TSPEAR: variants seen among roughly 807,000 people sequenced by gnomAD.
The protein encoded by TSPEAR is thrombospondin type laminin G domain and EAR repeats.
TSPEAR carries 69 observed loss-of-function variants against 71.6 expected under a neutral mutation model. The observed-to-expected ratio is 0.96, with a 90% CI of 0.79 to 1.18. TSPEAR has a LOEUF of 1.18. Ranked by LOEUF, TSPEAR falls within the 50% of genes most tolerant of loss-of-function variation. The pLI is 0.00. For missense variants in TSPEAR, 971 were observed against 894.9 expected (o/e 1.09, Z -1.09); for synonymous variants, 402 against 387.2 (o/e 1.04, Z -0.45).
intron 1 of TSPEAR, among the ~76,000 whole-genome samples, chr21:44,583,969 C>G (rs2146108048): frequency 6.6e-6 from 1 of 152,346 alleles, no homozygotes; most frequent in East Asian, 1.9e-4. Flanking sequence ...CCAGAACTGA[C>G]TCATCCTGCA....
At chr21:44,645,159 T>C (rs1984243236) in intron 1 of TSPEAR, among the ~76,000 whole-genome samples, 1 of 152,218 alleles carries the variant, frequency 6.6e-6, no homozygotes, top group African/African-American at 2.4e-5. Flanking sequence ...AATCACCATA[T>C]ATGAAAAAGT....
intron 1 of TSPEAR, among the ~76,000 whole-genome samples, chr21:44,599,354 TG>T (rs1261179697): frequency 6.6e-6 from 1 of 152,204 alleles, no homozygotes; most frequent in Non-Finnish European, 1.5e-5. Flanking sequence ...AGGCCTGGAC[TG>T]GGAAACACAG....
intron 1 of TSPEAR, chr21:44,658,210 G>GC (rs782171993): frequency 1.9e-6 from 3 of 1,613,974 alleles, no homozygotes; most frequent in Non-Finnish European, 1.7e-6. Context: ...GGTGCTGCCA[G>GC]CCCCCCTGCA....
intron 1 of TSPEAR, among the ~76,000 whole-genome samples, chr21:44,584,136 T>C (rs1472320737): frequency 1.3e-5 from 2 of 152,226 alleles, no homozygotes; most frequent in Non-Finnish European, 2.9e-5. Flanking sequence ...TACTCTCTGC[T>C]TTGCCGAGCT....
chr21:44,654,446 G>C (rs587768043), intron 1 of TSPEAR: 2 of 1,614,076 alleles, frequency 1.2e-6, no homozygotes, highest in Admixed American at 3.3e-5. Context: ...CAGGCTGGCT[G>C]GCAGCAGGTG....
At chr21:44,540,836 G>A (rs996049779) in intron 2 of TSPEAR, among the ~76,000 whole-genome samples, 3 of 152,248 alleles carry the variant, frequency 2.0e-5, no homozygotes, top group Non-Finnish European at 4.4e-5. Context: ...GTGTGGGAAC[G>A]CTGGGGATAG....
chr21:44,668,652 T>A (rs782464990), intron 1 of TSPEAR, among the ~76,000 whole-genome samples: 2 of 152,218 alleles, frequency 1.3e-5, no homozygotes, highest in East Asian at 1.9e-4. Context: ...ACTACAAAGC[T>A]ACACTAATCA....
chr21:44,570,218 T>TGG (rs1204134644), intron 1 of TSPEAR, among the ~76,000 whole-genome samples: 25 of 152,190 alleles, frequency 1.6e-4, no homozygotes, highest in African/African-American at 4.6e-4. Flanking sequence ...TCGCTGGGCT[T>TGG]TGGCAATCAG....
rs868920115 is a variant in TSPEAR at position 44,623,016 on chromosome 21, C to T, written c.83-55011G>A. Among the ~76,000 whole-genome samples the T allele has an allele frequency of 3.3e-5, 5 of 152,304 alleles. No individual in the cohort carries two copies. The South Asian group carries it at 1.0e-3, about 32-fold the overall frequency. ...ACTCTTTTGCCATGTGACATGCCCA[C>T]TCCCCCTTCACCTTCCACCATGAGC... On this transcript the variant is annotated intron_variant, in intron 1 of 11. Transcript: ENST00000323084. The surrounding 1 kb of genome is among the most constrained non-coding windows in gnomAD (Gnocchi z 4.5).
At chr21:44,518,002 C>G (rs1299007049) in intron 9 of TSPEAR, among the ~76,000 whole-genome samples, 1 of 152,172 alleles carries the variant, frequency 6.6e-6, no homozygotes, top group East Asian at 1.9e-4. Context: ...TGGTTTGATT[C>G]TGTCTCTTTT....
intron 11 of TSPEAR, among the ~76,000 whole-genome samples, chr21:44,502,380 A>G (rs1555911188): frequency 6.6e-6 from 1 of 152,252 alleles, no homozygotes; most frequent in East Asian, 1.9e-4. Context: ...AGGTAATTAC[A>G]TTCCTAAGTC....
At chr21:44,558,413 C>T in intron 2 of TSPEAR, 3 of 1,613,922 alleles carry the variant, frequency 1.9e-6, no homozygotes, top group South Asian at 1.1e-5. Flanking sequence ...AGCAGACAGG[C>T]ACGCAGCAGG....
chr21:44,634,881 G>C (rs587629658), intron 1 of TSPEAR, among the ~76,000 whole-genome samples: 10 of 152,290 alleles, frequency 6.6e-5, no homozygotes, highest in African/African-American at 2.2e-4. Context: ...AGAGAAACTG[G>C]AATGTTTGTA....
intron 1 of TSPEAR, among the ~76,000 whole-genome samples, chr21:44,652,425 G>A (rs1296080047): frequency 2.0e-5 from 3 of 152,158 alleles, no homozygotes; most frequent in South Asian, 2.1e-4. Context: ...GAGCCCCCAC[G>A]GCTCCTCCAT....
chr21:44,594,738 G>A (rs587619244), intron 1 of TSPEAR, among the ~76,000 whole-genome samples: 7 of 152,080 alleles, frequency 4.6e-5, no homozygotes, highest in Non-Finnish European at 7.4e-5. Flanking sequence ...TGTGCTTCCC[G>A]GCCTGCAGGA....
intron 2 of TSPEAR, among the ~76,000 whole-genome samples, chr21:44,540,779 G>T (rs1044545174): frequency 4.6e-5 from 7 of 152,172 alleles, no homozygotes; most frequent in Non-Finnish European, 1.0e-4. Flanking sequence ...AGGAAGGAGA[G>T]GCCATGCCCC....
chr21:44,670,661 A>C (rs1021314088), intron 1 of TSPEAR, among the ~76,000 whole-genome samples: 1 of 152,190 alleles, frequency 6.6e-6, no homozygotes, highest in African/African-American at 2.4e-5. Context: ...TGAGACTTAC[A>C]TAGGGATTTG....
At chr21:44,660,275 C>T (rs147259228) in intron 1 of TSPEAR, among the ~76,000 whole-genome samples, 4 of 152,270 alleles carry the variant, frequency 2.6e-5, no homozygotes, top group South Asian at 2.1e-4. Flanking sequence ...CCAAAAAGTT[C>T]GGAGAACCCC....
At chr21:44,558,650 G>T (rs782713383) in intron 2 of TSPEAR, 2 of 1,613,170 alleles carry the variant, frequency 1.2e-6, no homozygotes, top group Admixed American at 1.7e-5. Context: ...AGCTCTCTGG[G>T]CAGGCGTCCA....
Sources: gnomAD v4.1 joint callset for allele counts (sites outside exome capture counted in the v4.1 genomes callset) on GRCh38, gnomAD v4.1.1 for gene constraint, Gnocchi (gnomAD v3.1) non-coding constraint, MANE v1.5 for transcripts, NCBI Gene and HGNC (gene_info 2026-07-23, HGNC 2026-07-21) for gene names.